Variants in EXOC4 observed in about 807,000 individuals in gnomAD.
EXOC4 encodes SEC8-like 1.
A neutral mutation model predicts 107.2 loss-of-function variants in EXOC4; 71 were observed. That is an observed-to-expected ratio of 0.66 (90% confidence interval 0.55 to 0.81). The LOEUF is 0.81. Among genes scored for constraint, EXOC4 ranks in the 30% least tolerant of loss-of-function variants. The probability of loss-of-function intolerance (pLI) is 0.00; values close to 1 mark genes in which losing one functional copy is unlikely to be tolerated. For synonymous variants in EXOC4, 456 were observed against 441.2 expected (o/e 1.03, Z -0.42); for missense variants, 1,108 against 1,189.6 (o/e 0.93, Z 1.01).
chr7:133,304,157 G>A (rs760072870), intron 3 of EXOC4, among the ~76,000 whole-genome samples: 15 of 152,184 alleles, frequency 9.9e-5, no homozygotes, highest in Non-Finnish European at 1.3e-4. Context: ...ATAAGGCTAC[G>A]TGATGGGCCA....
intron 10 of EXOC4, among the ~76,000 whole-genome samples, chr7:133,812,520 C>T (rs1353185568): frequency 6.6e-6 from 1 of 152,148 alleles, no homozygotes; most frequent in East Asian, 1.9e-4. Context: ...GGTTCATCTC[C>T]TGGATGGCTA....
chr7:133,330,498 G>T (rs941883639), intron 5 of EXOC4, among the ~76,000 whole-genome samples: 1 of 152,184 alleles, frequency 6.6e-6, no homozygotes, highest in African/African-American at 2.4e-5. Flanking sequence ...AGCTAGCTCA[G>T]TGTCTGCCCA....
At chr7:134,022,022 A>C (rs1795041985) in intron 17 of EXOC4, among the ~76,000 whole-genome samples, 1 of 152,222 alleles carries the variant, frequency 6.6e-6, no homozygotes, top group Non-Finnish European at 1.5e-5. Context: ...ATTACAGCCC[A>C]GTTCCCCATT....
chr7:133,722,530 G>C (rs1795126460), intron 10 of EXOC4, among the ~76,000 whole-genome samples: 1 of 152,152 alleles, frequency 6.6e-6, no homozygotes, highest in Non-Finnish European at 1.5e-5. Context: ...GTCTCTATCA[G>C]TAGCCAATTT....
At position 133,862,477 on chromosome 7, in the gene EXOC4, C is replaced by T. The variant is rs1350158512; in HGVS notation, c.1735-33122C>T. 2.6e-5 allele frequency among the ~76,000 whole-genome samples: 4 copies of T among 151,986 alleles called. No individual in the cohort carries two copies. In the South Asian group the frequency reaches 6.2e-4, roughly 24 times the overall value. ...CAGCCTCAGCTACAGAGCAAGACTT[C>T]GTCTCAGGGGGCGGGGAAAAAAAAA... On this transcript the variant is annotated intron_variant, in intron 11 of 17. Transcript: ENST00000253861.
intron 9 of EXOC4, among the ~76,000 whole-genome samples, chr7:133,550,047 C>T (rs1451583228): frequency 6.6e-6 from 1 of 152,114 alleles, no homozygotes; most frequent in Non-Finnish European, 1.5e-5. Flanking sequence ...TGAATGAAAT[C>T]TTCTCTAAAG....
intron 9 of EXOC4, among the ~76,000 whole-genome samples, chr7:133,628,960 A>G (rs1020644839): frequency 6.6e-6 from 1 of 152,200 alleles, no homozygotes; most frequent in Non-Finnish European, 1.5e-5. Flanking sequence ...GCTGTTGGTG[A>G]CACTGGATGA....
chr7:133,703,075 T>C (rs1046508252), intron 10 of EXOC4, among the ~76,000 whole-genome samples: 7 of 152,360 alleles, frequency 4.6e-5, no homozygotes, highest in African/African-American at 1.7e-4. Context: ...CTTTTGCATA[T>C]GTAAGGAGAT....
chr7:133,506,933 G>A (rs1310218165), intron 9 of EXOC4, among the ~76,000 whole-genome samples: 5 of 151,246 alleles, frequency 3.3e-5, no homozygotes, highest in South Asian at 4.2e-4. Flanking sequence ...TTTTATTACT[G>A]ATTTTTAGAT....
chr7:133,418,688 C>G (rs1797533943), intron 7 of EXOC4, among the ~76,000 whole-genome samples: 1 of 152,090 alleles, frequency 6.6e-6, no homozygotes, highest in South Asian at 2.1e-4. Flanking sequence ...TTGTTGTTTT[C>G]CTTTATTCTG....
At chr7:133,564,076 A>T (rs1800860219) in intron 9 of EXOC4, among the ~76,000 whole-genome samples, 1 of 152,194 alleles carries the variant, frequency 6.6e-6, no homozygotes, top group Admixed American at 6.5e-5. Flanking sequence ...CCTACTCAGT[A>T]GCAGGTTGTA....
At chr7:133,352,043 C>T (rs1795923097) in intron 5 of EXOC4, among the ~76,000 whole-genome samples, 1 of 151,934 alleles carries the variant, frequency 6.6e-6, no homozygotes, top group South Asian at 2.1e-4. Flanking sequence ...AGAGAAGATA[C>T]TTTGTGTGAT....
Position 133,604,706 on chromosome 7 carries a change from C to CTTTTTT in EXOC4, c.1418-25336_1418-25335insTTTTTT, listed in dbSNP as rs1554477961. Among the ~76,000 whole-genome samples the CTTTTTT allele has an allele frequency of 5.6e-3, 490 of 87,448 alleles. 52 individuals carry two copies. The highest frequency in any genetic ancestry group is 7.8e-3 in the African/African-American group (177 of 22,684). The allele number at this position is 87,448 out of a possible 152,430, so 57.4% of individuals were successfully genotyped here. On this transcript the variant is annotated intron_variant, in intron 9 of 17. Coordinates refer to ENST00000253861, the MANE Select transcript of EXOC4 (RefSeq NM_021807.4). Reference sequence around the variant, plus strand: ...TTTTTCTTTCCTTCCTTCCTTCCTTCTTTCTTTTTTTTTTTTTTTTTTTTT... The same window carrying CTTTTTT: ...TTTTTCTTTCCTTCCTTCCTTCCTTCTTTTTTTTTCTTTTTTTTTTTTTTTTTTTTT...
At chr7:133,427,395 A>G (rs991212564) in intron 7 of EXOC4, among the ~76,000 whole-genome samples, 1 of 152,232 alleles carries the variant, frequency 6.6e-6, no homozygotes, top group Admixed American at 6.5e-5. Context: ...ACATTTTGAC[A>G]TGACAACCTT....
chr7:133,759,058 A>T (rs569284459), intron 10 of EXOC4, among the ~76,000 whole-genome samples: 1 of 152,276 alleles, frequency 6.6e-6, no homozygotes, highest in African/African-American at 2.4e-5. Flanking sequence ...TTTTGGATTT[A>T]GGGATTGCTC....
At chr7:133,686,003 G>A (rs150343958) in intron 10 of EXOC4, among the ~76,000 whole-genome samples, 17 of 152,158 alleles carry the variant, frequency 1.1e-4, no homozygotes, top group Admixed American at 1.0e-3. Flanking sequence ...TAAGATAACC[G>A]CCTCTAATTC....
chr7:133,757,627 A>G (rs1795946235), intron 10 of EXOC4, among the ~76,000 whole-genome samples: 1 of 152,236 alleles, frequency 6.6e-6, no homozygotes. Flanking sequence ...AAACCCTTCT[A>G]TATTAACATT....
At chr7:133,495,837 G>A (rs987554749) in intron 9 of EXOC4, among the ~76,000 whole-genome samples, 2 of 152,142 alleles carry the variant, frequency 1.3e-5, no homozygotes, top group African/African-American at 4.8e-5. Flanking sequence ...GAATGGAATT[G>A]TTGGTTCATA....
At chr7:134,097,843 G>A in the EXOC4 span, among the ~76,000 whole-genome samples, 3 of 152,260 alleles carry the variant, frequency 2.0e-5, no homozygotes, top group East Asian at 5.8e-4. Flanking sequence ...TGTTCATGGT[G>A]GCATCAACTG....
Sources: allele counts gnomAD v4.1 joint callset (sites outside exome capture counted in the v4.1 genomes callset), GRCh38; gene constraint gnomAD v4.1.1; transcripts MANE v1.5; gene names NCBI Gene and HGNC (gene_info 2026-07-23, HGNC 2026-07-21).